CCDC85A: variants seen among roughly 807,000 people sequenced by gnomAD.
The protein encoded by CCDC85A is coiled-coil domain-containing protein 85A.
In CCDC85A, 38 loss-of-function variants were observed where a neutral mutation model predicts 50.2. The observed-to-expected ratio is 0.76, with a 90% CI of 0.58 to 0.99. The LOEUF (loss-of-function observed/expected upper bound fraction) is 0.99. Among genes scored for constraint, CCDC85A ranks in the 50% least tolerant of loss-of-function variants. The pLI is 0.00. For synonymous variants in CCDC85A, 366 were observed against 301.4 expected (o/e 1.21, Z -2.22); for missense variants, 820 against 742.0 (o/e 1.11, Z -1.22).
chr2:56,323,925 G>A (rs780533280), intron 2 of CCDC85A, among the ~76,000 whole-genome samples: 4 of 152,030 alleles, frequency 2.6e-5, no homozygotes, highest in Admixed American at 6.6e-5. Flanking sequence ...TTTAGGGTAC[G>A]AAGTTTCATC....
At chr2:56,285,430 C>G (rs572921946) in intron 2 of CCDC85A, among the ~76,000 whole-genome samples, 5 of 144,342 alleles carry the variant, frequency 3.5e-5, no homozygotes, top group Non-Finnish European at 6.0e-5. Context: ...ATGTTCTTAT[C>G]GATTAATTAT....
chr2:56,284,093 C>A (rs1234729983), intron 2 of CCDC85A, among the ~76,000 whole-genome samples: 1 of 151,764 alleles, frequency 6.6e-6, no homozygotes, highest in Non-Finnish European at 1.5e-5. Context: ...CTTTCTATTT[C>A]CCTGTGATTT....
chr2:56,367,746 C>T lies in CCDC85A; in HGVS notation c.1318-4598C>T, dbSNP rs578044162. ...ACTGACACTCTCAATAATAAACATT[C>T]GGACATAAATTGACAAGTTATAAAA... On this transcript the variant is annotated intron_variant, in intron 3 of 5. Coordinates refer to ENST00000407595, the MANE Select transcript of CCDC85A (RefSeq NM_001080433.2). 1.7e-4 allele frequency among the ~76,000 whole-genome samples: 26 copies of T among 152,150 alleles called. 1 individual carries two copies. The highest frequency in any genetic ancestry group is 9.8e-4 in the Admixed American group (15 of 15,268).
intron 2 of CCDC85A, among the ~76,000 whole-genome samples, chr2:56,268,594 C>CAAAAA (rs59245276): frequency 2.0e-5 from 2 of 102,546 alleles, no homozygotes; most frequent in African/African-American, 8.9e-5. Flanking sequence ...GATTCCGTCT[C>CAAAAA]AAAAAAAAAA....
intron 2 of CCDC85A, among the ~76,000 whole-genome samples, chr2:56,266,474 T>A (rs565746239): frequency 2.0e-4 from 31 of 151,894 alleles, no homozygotes; most frequent in Non-Finnish European, 2.8e-4. Context: ...TCAGAGGTGA[T>A]TGATATATTA....
chr2:56,237,677 C>T (rs954586887), intron 2 of CCDC85A, among the ~76,000 whole-genome samples: 2 of 152,022 alleles, frequency 1.3e-5, no homozygotes, highest in African/African-American at 4.8e-5. Flanking sequence ...AGGATTCAAA[C>T]TCAGATCTCA....
intron 5 of CCDC85A, 94 bp downstream of exon 5, chr2:56,376,029 A>G (rs1676319654): frequency 2.3e-6 from 3 of 1,331,294 alleles, no homozygotes; most frequent in Middle Eastern, 1.9e-4. Context: ...TGCTTGAACC[A>G]TAGATATTTT....
chr2:56,197,326 T>C lies in CCDC85A; in HGVS notation c.1240+3886T>C, dbSNP rs560795047. On this transcript the variant is annotated intron_variant, in intron 2 of 5. Coordinates refer to ENST00000407595, the MANE Select transcript of CCDC85A (RefSeq NM_001080433.2). Reference sequence around the variant, plus strand: ...GCTTTACCTCTGAGCATCCCCCTAGTTGTGGTAATAAAAAATGTCTCTAGA... The same window carrying C: ...GCTTTACCTCTGAGCATCCCCCTAGCTGTGGTAATAAAAAATGTCTCTAGA... Among the ~76,000 whole-genome samples the C allele has an allele frequency of 7.2e-5, 11 of 152,264 alleles. No individual in the cohort carries two copies. In the South Asian group the frequency reaches 1.9e-3, roughly 26 times the overall value.
At chr2:56,304,408 T>G (rs1336357781) in intron 2 of CCDC85A, among the ~76,000 whole-genome samples, 1 of 152,210 alleles carries the variant, frequency 6.6e-6, no homozygotes, top group East Asian at 1.9e-4. Flanking sequence ...TTGACTTTTG[T>G]GCAGTGGCAT....
chr2:56,324,827 G>A (rs899384651), intron 2 of CCDC85A, among the ~76,000 whole-genome samples: 5 of 151,878 alleles, frequency 3.3e-5, no homozygotes, highest in Admixed American at 2.0e-4. Context: ...GACTCTTTGG[G>A]GTTAAAATAT....
intron 2 of CCDC85A, among the ~76,000 whole-genome samples, chr2:56,304,244 C>G (rs1672331641): frequency 6.6e-6 from 1 of 152,028 alleles, no homozygotes; most frequent in East Asian, 1.9e-4. Flanking sequence ...GGATATAGCA[C>G]CTGTTATTTG....
chr2:56,383,355 C>T (rs572668164), intron 5 of CCDC85A, among the ~76,000 whole-genome samples: 1 of 151,900 alleles, frequency 6.6e-6, no homozygotes, highest in East Asian at 1.9e-4. Context: ...TAATCCTTAG[C>T]GTGAAATAGT....
At chr2:56,290,527 T>C (rs1409390143) in intron 2 of CCDC85A, among the ~76,000 whole-genome samples, 1 of 152,220 alleles carries the variant, frequency 6.6e-6, no homozygotes, top group East Asian at 1.9e-4. Context: ...AACTTAGCTG[T>C]TTGTTGAATC....
chr2:56,220,249 T>A (rs911547338), intron 2 of CCDC85A, among the ~76,000 whole-genome samples: 1 of 148,080 alleles, frequency 6.8e-6, no homozygotes, highest in South Asian at 2.1e-4. Flanking sequence ...TTCTACTTAA[T>A]CTTAAACTCC....
rs555497072 is a variant in CCDC85A at position 56,222,583 on chromosome 2, A to G, written c.1240+29143A>G. On this transcript the variant is annotated intron_variant, in intron 2 of 5. Transcript: ENST00000407595. Reference sequence around the variant, plus strand: ...AAGGAGATGTACAGGCCCTCCAGCTATTAGGGAACCCATCATGGGTAATCG... The same window carrying G: ...AAGGAGATGTACAGGCCCTCCAGCTGTTAGGGAACCCATCATGGGTAATCG... 2.0e-5 allele frequency among the ~76,000 whole-genome samples: 3 copies of G among 152,114 alleles called. No homozygotes were observed. In the East Asian group the frequency reaches 5.8e-4, roughly 29 times the overall value.
At chr2:56,239,359 T>G (rs1669156852) in intron 2 of CCDC85A, among the ~76,000 whole-genome samples, 1 of 152,084 alleles carries the variant, frequency 6.6e-6, no homozygotes, top group Non-Finnish European at 1.5e-5. Flanking sequence ...AGTGGTATGC[T>G]TATGAAACCT....
chr2:56,243,896 G>C (rs929339712), intron 2 of CCDC85A, among the ~76,000 whole-genome samples: 2 of 152,182 alleles, frequency 1.3e-5, no homozygotes, highest in Non-Finnish European at 2.9e-5. Flanking sequence ...GACTCATAGA[G>C]GTATTGCCTT....
intron 3 of CCDC85A, among the ~76,000 whole-genome samples, chr2:56,358,887 C>T (rs575080678): frequency 8.6e-5 from 13 of 151,758 alleles, no homozygotes; most frequent in African/African-American, 2.7e-4. Flanking sequence ...CAGGTTCAAG[C>T]GCTTCTTCTG....
At chr2:56,338,674 G>A (rs1674203326) in intron 2 of CCDC85A, among the ~76,000 whole-genome samples, 1 of 152,110 alleles carries the variant, frequency 6.6e-6, no homozygotes, top group African/African-American at 2.4e-5. Flanking sequence ...CTACTAGTCA[G>A]GCTCAGCTGA....
Sources: allele counts gnomAD v4.1 joint callset (sites outside exome capture counted in the v4.1 genomes callset), GRCh38; gene constraint gnomAD v4.1.1; transcripts MANE v1.5; gene names NCBI Gene and HGNC (gene_info 2026-07-23, HGNC 2026-07-21).